Variants in WDR70 observed in about 807,000 individuals in gnomAD.
WDR70 encodes WD repeat domain 70, also known as WD repeat-containing protein 70.
A neutral mutation model predicts 88.6 loss-of-function variants in WDR70; 53 were observed. That is an observed-to-expected ratio of 0.60 (90% CI 0.48 to 0.75). WDR70 has a LOEUF of 0.75. WDR70 is among the 30% of genes least tolerant of loss of function. The probability of loss-of-function intolerance (pLI) is 0.00; values close to 1 mark genes in which losing one functional copy is unlikely to be tolerated. For synonymous variants in WDR70, 280 were observed against 270.0 expected (o/e 1.04, Z -0.36); for missense variants, 610 against 823.2 (o/e 0.74, Z 3.17).
intron 10 of WDR70, among the ~76,000 whole-genome samples, chr5:37,694,142 A>T (rs1231061408): frequency 6.6e-6 from 1 of 152,230 alleles, no homozygotes; most frequent in Non-Finnish European, 1.5e-5. Flanking sequence ...TCAAAACCAC[A>T]GTGAGATACC....
At chr5:37,601,912 C>T (rs539432460) in intron 9 of WDR70, among the ~76,000 whole-genome samples, 2 of 152,236 alleles carry the variant, frequency 1.3e-5, no homozygotes, top group East Asian at 3.9e-4. Context: ...AATTCATGTC[C>T]TTTGCAGGGA....
At chr5:37,487,621 A>ATTTTTT (rs1561871968) in intron 8 of WDR70, among the ~76,000 whole-genome samples, 9 of 37,706 alleles carry the variant, frequency 2.4e-4, no homozygotes, top group African/African-American at 5.8e-4. Context: ...ATATATATAT[A>ATTTTTT]TATGTATTTT....
At chr5:37,525,498 A>G (rs1454918286) in intron 9 of WDR70, among the ~76,000 whole-genome samples, 1 of 152,236 alleles carries the variant, frequency 6.6e-6, no homozygotes, top group East Asian at 1.9e-4. Context: ...AGGGAAATTT[A>G]TAGCACTACA....
chr5:37,723,114 A>C, intron 15 of WDR70, 180 bp downstream of exon 15: 1 of 652,798 alleles, frequency 1.5e-6, no homozygotes, highest in South Asian at 1.9e-5. Context: ...TCTGTGACTC[A>C]TCACAGGGAC....
At chr5:37,558,059 C>G (rs1742366777) in intron 9 of WDR70, among the ~76,000 whole-genome samples, 1 of 117,420 alleles carries the variant, frequency 8.5e-6, no homozygotes, top group African/African-American at 3.3e-5. Context: ...CATGACCACT[C>G]TTTTACTCTA....
intron 5 of WDR70, among the ~76,000 whole-genome samples, chr5:37,425,514 T>C (rs1039276579): frequency 9.9e-5 from 15 of 152,156 alleles, no homozygotes; most frequent in African/African-American, 3.6e-4. Flanking sequence ...AAGGCAGTAA[T>C]GTGCCTGGCA....
At chr5:37,449,835 G>A (rs1180467910) in intron 7 of WDR70, among the ~76,000 whole-genome samples, 2 of 151,988 alleles carry the variant, frequency 1.3e-5, no homozygotes, top group Admixed American at 6.6e-5. Flanking sequence ...TACCATGATG[G>A]TTTGCTGTAC....
intron 7 of WDR70, among the ~76,000 whole-genome samples, chr5:37,455,894 T>G (rs967144540): frequency 1.8e-4 from 27 of 152,120 alleles, no homozygotes; most frequent in African/African-American, 6.5e-4. Context: ...GACCCCCAGG[T>G]AACCACTGAT....
At chr5:37,752,342 G>T in intron 17 of WDR70, 144 bp from the exon 18 acceptor site, 5 of 593,088 alleles carry the variant, frequency 8.4e-6, no homozygotes, top group Admixed American at 3.3e-5. Context: ...CTTTTTCTTT[G>T]CCAGAAGTTT....
chr5:37,452,641 A>G (rs1202881632), intron 7 of WDR70, among the ~76,000 whole-genome samples: 2 of 152,230 alleles, frequency 1.3e-5, no homozygotes, highest in African/African-American at 4.8e-5. Context: ...TAACTCAGCT[A>G]AATTCCCCCA....
chr5:37,471,633 C>T (rs868026750), intron 7 of WDR70, among the ~76,000 whole-genome samples: 15 of 150,988 alleles, frequency 9.9e-5, no homozygotes, highest in African/African-American at 2.4e-4. Context: ...CATTTGCATT[C>T]TTTTTTTTAT....
At chr5:37,747,360 A>G (rs891586424) in intron 17 of WDR70, among the ~76,000 whole-genome samples, 1 of 152,214 alleles carries the variant, frequency 6.6e-6, no homozygotes, top group African/African-American at 2.4e-5. Context: ...TTAAAAAGTC[A>G]GGAAGAATAA....
In WDR70 at chr5:37,503,388, T is replaced by C. The variant is rs138969826; in HGVS notation, c.841-13126T>C. Among the ~76,000 whole-genome samples the C allele has an allele frequency of 2.6e-5, 4 of 152,318 alleles. No homozygotes were observed. In the East Asian group the frequency reaches 7.7e-4, roughly 29 times the overall value. ...CTCAGGTAGTAAGCCTAGTACCCACTAGTTGTATTTACTGCTTTTTTCCCT... is the reference window on the plus strand; with the variant it reads ...CTCAGGTAGTAAGCCTAGTACCCACCAGTTGTATTTACTGCTTTTTTCCCT... On this transcript the variant is annotated intron_variant, in intron 8 of 17. Transcript: ENST00000265107.
At chr5:37,631,007 G>A (rs925943820) in intron 10 of WDR70, among the ~76,000 whole-genome samples, 4 of 152,120 alleles carry the variant, frequency 2.6e-5, no homozygotes, top group African/African-American at 9.7e-5. Context: ...GGGGTTGGTG[G>A]TGATATTCTG....
intron 5 of WDR70, among the ~76,000 whole-genome samples, chr5:37,409,754 C>T (rs1221089952): frequency 1.3e-5 from 2 of 152,124 alleles, no homozygotes; most frequent in East Asian, 3.9e-4. Flanking sequence ...GATCCACCCA[C>T]CTCGGCCTCC....
At chr5:37,676,159 A>G (rs1746199194) in intron 10 of WDR70, among the ~76,000 whole-genome samples, 1 of 151,122 alleles carries the variant, frequency 6.6e-6, no homozygotes, top group African/African-American at 2.4e-5. Flanking sequence ...TTTTCTAAAT[A>G]TACAATCATG....
chr5:37,707,948 A>AATATATATATATATAT (rs70978841), intron 13 of WDR70, among the ~76,000 whole-genome samples: 2 of 33,776 alleles, frequency 5.9e-5, no homozygotes, highest in Non-Finnish European at 1.0e-4. Context: ...AAAAAAAAAA[A>AATATATATATATATAT]ATATATATAT....
intron 13 of WDR70, among the ~76,000 whole-genome samples, 164 bp from the exon 14 acceptor site, chr5:37,720,951 T>G (rs1446593556): frequency 6.6e-6 from 1 of 152,234 alleles, no homozygotes; most frequent in African/African-American, 2.4e-5. Context: ...AATGGAATTT[T>G]ACTTCAGGAA....
intron 8 of WDR70, among the ~76,000 whole-genome samples, chr5:37,493,670 A>G (rs1740134121): frequency 1.3e-5 from 2 of 152,132 alleles, no homozygotes; most frequent in Non-Finnish European, 2.9e-5. Context: ...GGGGTGTACT[A>G]AGTCCCTAGG....
Sources: allele counts gnomAD v4.1 joint callset (sites outside exome capture counted in the v4.1 genomes callset), GRCh38; gene constraint gnomAD v4.1.1; transcripts MANE v1.5; gene names NCBI Gene and HGNC (gene_info 2026-07-23, HGNC 2026-07-21).